The following TACC1 variants were observed in gnomAD, a reference collection of about 807,000 sequenced individuals.
TACC1 encodes transforming acidic coiled-coil-containing protein 1.
TACC1 carries 48 observed loss-of-function variants against 84.4 expected under a neutral mutation model. That is an observed-to-expected ratio of 0.57 (90% CI 0.45 to 0.72). The LOEUF (loss-of-function observed/expected upper bound fraction) is 0.72. Among genes scored for constraint, TACC1 ranks in the 30% least tolerant of loss-of-function variants. The probability of loss-of-function intolerance (pLI) is 0.00; values close to 1 mark genes in which losing one functional copy is unlikely to be tolerated. For synonymous variants in TACC1, 372 were observed against 376.3 expected (o/e 0.99, Z 0.13); for missense variants, 920 against 973.0 (o/e 0.95, Z 0.72).
chr8:38,827,514 G>C, intron 5 of TACC1, 139 bp downstream of exon 5: 1 of 855,886 alleles, frequency 1.2e-6, no homozygotes, highest in South Asian at 1.8e-5. Flanking sequence ...CCTATGCTTT[G>C]CTTCTTTACC....
At chr8:38,809,731 G>A (rs1554520326) in intron 2 of TACC1, among the ~76,000 whole-genome samples, 2 of 151,786 alleles carry the variant, frequency 1.3e-5, no homozygotes, top group Non-Finnish European at 2.9e-5. Context: ...TGGGTAACAG[G>A]AAAAAAAAGA....
At chr8:38,764,143 T>A (rs1040327822) in intron 3 of TACC1, among the ~76,000 whole-genome samples, 9 of 152,156 alleles carry the variant, frequency 5.9e-5, no homozygotes. Context: ...AATGGTGCAA[T>A]CTCAGCTCAC....
At chr8:38,817,705 G>A (rs1432914813) in intron 2 of TACC1, among the ~76,000 whole-genome samples, 1 of 151,996 alleles carries the variant, frequency 6.6e-6, no homozygotes, top group Non-Finnish European at 1.5e-5. Flanking sequence ...AATATCTGAA[G>A]TATGTTTGTG....
At chr8:38,738,665 CT>C (rs112889333) in intron 1 of TACC1, among the ~76,000 whole-genome samples, 632 of 143,656 alleles carry the variant, frequency 4.4e-3, no homozygotes, top group Middle Eastern at 0.018. Flanking sequence ...GTTTTGAGCA[CT>C]TTTTTTTTTT....
upstream of TACC1, among the ~76,000 whole-genome samples, chr8:38,782,856 GTTAT>G (rs1816304618): frequency 6.6e-6 from 1 of 152,100 alleles, no homozygotes. Flanking sequence ...TAATGTTGGG[GTTAT>G]TTTTCTTCAC....
In TACC1 at chr8:38,848,609, G is replaced by C. The variant is rs1832707761; in HGVS notation, c.*586G>C. 6.5e-6 allele frequency: 1 copy of C among 152,672 alleles called. No individual in the cohort carries two copies. Among genetic ancestry groups the C allele is most frequent in the South Asian group, 2.1e-4 (1 of 4,832 alleles). 9.5% of individuals were successfully genotyped at this position (152,672 alleles called of 1,614,324 possible). On this transcript the variant is annotated 3_prime_UTR_variant, in exon 13 of 13. Coordinates refer to ENST00000317827, the MANE Select transcript of TACC1 (RefSeq NM_006283.3). ...ATAGTCAAGTAAGAACTGCTCTACAGAAGGACATATTTCCTTGGATGTGAG... is the reference window on the plus strand; with the variant it reads ...ATAGTCAAGTAAGAACTGCTCTACACAAGGACATATTTCCTTGGATGTGAG...
At chr8:38,739,313 A>G (rs1806617775) in intron 1 of TACC1, among the ~76,000 whole-genome samples, 1 of 152,232 alleles carries the variant, frequency 6.6e-6, no homozygotes, top group Admixed American at 6.5e-5. Context: ...ACTTTCCACT[A>G]CAACCTGAAA....
chr8:38,747,853 A>G (rs912232979), intron 3 of TACC1, among the ~76,000 whole-genome samples: 7 of 152,218 alleles, frequency 4.6e-5, no homozygotes, highest in Non-Finnish European at 2.9e-5. Context: ...TAAACTACGG[A>G]CTTTGGATAA....
intron 3 of TACC1, among the ~76,000 whole-genome samples, chr8:38,757,902 C>A (rs931617652): frequency 2.0e-5 from 3 of 152,068 alleles, no homozygotes; most frequent in African/African-American, 7.2e-5. Flanking sequence ...TCATGATGAT[C>A]TCAGAAAAAA....
At chr8:38,787,062 G>T, upstream of TACC1, 1 of 929,368 alleles carries the variant, frequency 1.1e-6, no homozygotes, top group Non-Finnish European at 1.3e-6. Flanking sequence ...CCTCAGTCGG[G>T]CCGCGACCAG....
intron 1 of TACC1, chr8:38,742,229 T>G: frequency 2.2e-6 from 1 of 446,324 alleles, no homozygotes; most frequent in Admixed American, 4.0e-5. Context: ...ACACACAGAG[T>G]GGCTGGTAGA....
chr8:38,846,865 T>C, intron 12 of TACC1, 46 bp downstream of exon 12: 1 of 1,607,128 alleles, frequency 6.2e-7, no homozygotes, highest in Non-Finnish European at 8.5e-7. Flanking sequence ...ACGTTTGGTT[T>C]TCCTCCTCAG....
intron 2 of TACC1, among the ~76,000 whole-genome samples, chr8:38,814,345 A>G (rs1824920817): frequency 1.3e-5 from 2 of 152,362 alleles, no homozygotes; most frequent in South Asian, 2.1e-4. Flanking sequence ...GTCATTCACC[A>G]TATAATGATG....
At chr8:38,806,487 A>AG (rs1491181401) in intron 2 of TACC1, among the ~76,000 whole-genome samples, 6 of 151,568 alleles carry the variant, frequency 4.0e-5, no homozygotes, top group African/African-American at 1.5e-4. Flanking sequence ...AGAGAGAGAG[A>AG]AAGAGAGAGA....
rs1432636610 is a variant in TACC1, at chr8:38,843,402, G to A, written c.2228+7G>A. On this transcript the variant is annotated splice_region_variant and intron_variant, in intron 11 of 12. Transcript: ENST00000317827. ...CAGAAGAGAAACTGGACAAGTAAGA[G>A]CTTGTAAATGTTGAATTTCACTCTT... The A allele has an allele frequency of 1.3e-6, 2 of 1,580,936 alleles. No homozygotes were observed. Among genetic ancestry groups the A allele is most frequent in the Non-Finnish European group, 8.6e-7 (1 of 1,161,698 alleles).
intron 3 of TACC1, chr8:38,757,390 C>T: frequency 7.9e-7 from 1 of 1,258,828 alleles, no homozygotes; most frequent in Non-Finnish European, 1.0e-6. Context: ...GGAGAGGCAC[C>T]CGAGACCCAC....
intron 3 of TACC1, among the ~76,000 whole-genome samples, chr8:38,823,515 G>T (rs1160332835): frequency 6.6e-6 from 1 of 152,180 alleles, no homozygotes; most frequent in African/African-American, 2.4e-5. Context: ...GCCAAAGAAA[G>T]GGTAATTTAT....
At chr8:38,806,725 T>C (rs1224691182) in intron 2 of TACC1, among the ~76,000 whole-genome samples, 3 of 152,206 alleles carry the variant, frequency 2.0e-5, no homozygotes, top group Non-Finnish European at 4.4e-5. Flanking sequence ...GGCTAACCTG[T>C]ACTTGTGGAA....
At position 38,787,319 on chromosome 8, in the gene TACC1, G is replaced by T. The variant is rs1190924707; in HGVS notation, c.-264G>T. ...GGGGCCTGAGGAGGCCACAGGACGG[G>T]CGTCTTCCCGGCTAGTGGAGCCCGG... On this transcript the variant is annotated 5_prime_UTR_variant, in exon 1 of 13. Coordinates refer to ENST00000317827, the MANE Select transcript of TACC1 (RefSeq NM_006283.3). The T allele has an allele frequency of 9.7e-6, 12 of 1,243,164 alleles. No individual in the cohort carries two copies. Among genetic ancestry groups the T allele is most frequent in the Middle Eastern group, 3.2e-4 (1 of 3,170 alleles). The allele number at this position is 1,243,164 out of a possible 1,614,324, so 77.0% of individuals were successfully genotyped here.
Sources: gnomAD v4.1 joint callset for allele counts (sites outside exome capture counted in the v4.1 genomes callset) on GRCh38, gnomAD v4.1.1 for gene constraint, MANE v1.5 for transcripts, NCBI Gene and HGNC (gene_info 2026-07-23, HGNC 2026-07-21) for gene names.